The following SLC9B1 variants were observed in gnomAD, a reference collection of about 807,000 sequenced individuals.
SLC9B1 encodes solute carrier family 9 member B1, also known as sodium/hydrogen exchanger 9B1.
SLC9B1 carries 32 observed loss-of-function variants against 51.7 expected under a neutral mutation model. That is an observed-to-expected ratio of 0.62 (90% CI 0.47 to 0.83). The LOEUF is 0.83. Ranked by LOEUF, SLC9B1 falls within the 40% of genes least tolerant of loss-of-function variation. The probability of loss-of-function intolerance (pLI) is 0.00; values close to 1 mark genes in which losing one functional copy is unlikely to be tolerated. For synonymous variants in SLC9B1, 145 were observed against 212.7 expected (o/e 0.68, Z 2.77); for missense variants, 406 against 613.2 (o/e 0.66, Z 3.57).
chr4:102,889,193 A>G (rs1691327441), intron 11 of SLC9B1: 1 of 139,698 alleles, frequency 7.2e-6, no homozygotes, highest in East Asian at 2.2e-4. Context: ...TATGTCCAAA[A>G]TTGTTCTTTC....
At chr4:102,933,614 T>A (rs996107791) in intron 6 of SLC9B1, among the ~76,000 whole-genome samples, 3 of 152,022 alleles carry the variant, frequency 2.0e-5, no homozygotes, top group Non-Finnish European at 4.4e-5. Flanking sequence ...TAGGGTGGGG[T>A]GGGAGAAGAT....
At chr4:102,996,072 C>G (rs1160190824) in intron 1 of SLC9B1, among the ~76,000 whole-genome samples, 1 of 152,126 alleles carries the variant, frequency 6.6e-6, no homozygotes, top group Non-Finnish European at 1.5e-5. Context: ...AGATCTTTGT[C>G]AACTTTAGTA....
At chr4:102,930,953 G>A (rs9685630) in intron 7 of SLC9B1, among the ~76,000 whole-genome samples, 83,122 of 151,784 alleles carry the variant, frequency 0.55, 23,335 homozygotes, top group African/African-American at 0.68. Flanking sequence ...GGCCAGGTGC[G>A]ATGTCTCACG....
chr4:102,891,058 G>A (rs2110409586), intron 11 of SLC9B1: 1 of 151,066 alleles, frequency 6.6e-6, no homozygotes, highest in Non-Finnish European at 1.5e-5. Flanking sequence ...GATAGATCCA[G>A]AACAAGGAAA....
intron 6 of SLC9B1, among the ~76,000 whole-genome samples, chr4:102,934,727 C>T (rs529306808): frequency 2.1e-5 from 3 of 143,634 alleles, no homozygotes; most frequent in Non-Finnish European, 4.5e-5. Context: ...GATCACGCCA[C>T]TGCACTACAG....
chr4:102,911,027 T>C (rs1444843929), intron 8 of SLC9B1, among the ~76,000 whole-genome samples: 3 of 152,104 alleles, frequency 2.0e-5, no homozygotes, highest in Non-Finnish European at 2.9e-5. Context: ...AATTTGAGTG[T>C]TGCCTTTGTC....
intron 1 of SLC9B1, among the ~76,000 whole-genome samples, chr4:103,009,234 T>G (rs1379146596): frequency 6.6e-6 from 1 of 152,258 alleles, no homozygotes; most frequent in Non-Finnish European, 1.5e-5. Context: ...TCACTTAATA[T>G]AAACAACTTG....
chr4:102,992,104 T>C (rs17214910), intron 1 of SLC9B1, among the ~76,000 whole-genome samples: 1 of 152,122 alleles, frequency 6.6e-6, no homozygotes, highest in African/African-American at 2.4e-5. Flanking sequence ...CAGAAAAATT[T>C]TAAATGAAAT....
intron 1 of SLC9B1, among the ~76,000 whole-genome samples, chr4:103,004,407 A>G (rs1740680426): frequency 6.6e-6 from 1 of 152,192 alleles, no homozygotes. Context: ...AAAAAGAATA[A>G]ACACCTCTGA....
At chr4:102,968,948 G>A (rs1238480972) in intron 3 of SLC9B1, among the ~76,000 whole-genome samples, 2 of 152,200 alleles carry the variant, frequency 1.3e-5, no homozygotes, top group African/African-American at 2.4e-5. Flanking sequence ...AGCAGTCCGA[G>A]ATGGAATTGC....
intron 11 of SLC9B1, chr4:102,889,576 A>T (rs529307966): frequency 7.2e-5 from 11 of 152,396 alleles, no homozygotes; most frequent in African/African-American, 2.6e-4. Flanking sequence ...GAATTATCTC[A>T]TAAAAGGTAA....
intron 11 of SLC9B1, among the ~76,000 whole-genome samples, chr4:102,893,281 CAAAAAAAAAAAAA>C (rs58316456): frequency 1.1e-4 from 4 of 35,162 alleles, no homozygotes; most frequent in Admixed American, 4.9e-4. Context: ...GACTCCATCT[CAAAAAAAAAAAAA>C]AAAAAAAAAA....
At chr4:103,008,274 C>T (rs550435567) in intron 1 of SLC9B1, among the ~76,000 whole-genome samples, 33 of 152,254 alleles carry the variant, frequency 2.2e-4, no homozygotes, top group African/African-American at 7.2e-4. Context: ...GCTTTGCTTT[C>T]AAAATAGTGA....
At chr4:102,916,963 G>A (rs2110438405) in intron 7 of SLC9B1, among the ~76,000 whole-genome samples, 1 of 152,324 alleles carries the variant, frequency 6.6e-6, no homozygotes, top group Non-Finnish European at 1.5e-5. Flanking sequence ...AGTGGACTGA[G>A]AGAGAAAGAC....
intron 3 of SLC9B1, among the ~76,000 whole-genome samples, chr4:102,973,518 C>T (rs1256057832): frequency 6.6e-6 from 1 of 151,850 alleles, no homozygotes; most frequent in South Asian, 2.1e-4. Context: ...TTTTAACCAC[C>T]GTATTAAAAA....
intron 7 of SLC9B1, among the ~76,000 whole-genome samples, chr4:102,927,120 A>C (rs1376950855): frequency 1.3e-5 from 2 of 152,218 alleles, no homozygotes; most frequent in African/African-American, 4.8e-5. Context: ...TAAAGACTTA[A>C]ATGTTAGACC....
rs538651633 is a variant in SLC9B1, at chr4:102,985,203, T to C, written c.211+4597A>G. Among the ~76,000 whole-genome samples, 57 of 152,336 alleles carry C rather than the reference T, an allele frequency of 3.7e-4. 1 individual carries two copies. In the South Asian group the frequency reaches 0.011, roughly 28 times the overall value. ...TCTCCATCTCTTTCCTTAATCAATA[T>C]GTATCTTGTAAAAAACACATAGTTC... On this transcript the variant is annotated intron_variant, in intron 3 of 11. Coordinates refer to ENST00000296422, the MANE Select transcript of SLC9B1 (RefSeq NM_139173.4).
intron 3 of SLC9B1, among the ~76,000 whole-genome samples, chr4:102,961,008 A>G (rs1578382871): frequency 6.6e-6 from 1 of 152,210 alleles, no homozygotes; most frequent in South Asian, 2.1e-4. Context: ...CTGGGATTAC[A>G]GGCATGAGCC....
intron 1 of SLC9B1, among the ~76,000 whole-genome samples, chr4:102,996,305 T>C (rs1740213053): frequency 1.3e-5 from 2 of 152,196 alleles, no homozygotes; most frequent in Non-Finnish European, 2.9e-5. Flanking sequence ...TTATTGGATA[T>C]ATAAAGAGCC....
Sources: allele counts gnomAD v4.1 joint callset (sites outside exome capture counted in the v4.1 genomes callset), GRCh38; gene constraint gnomAD v4.1.1; transcripts MANE v1.5; gene names NCBI Gene and HGNC (gene_info 2026-07-23, HGNC 2026-07-21).